The following STPG2 variants were observed in gnomAD, a reference collection of about 807,000 sequenced individuals.
STPG2 encodes sperm tail PG-rich repeat containing 2, also known as sperm-tail PG-rich repeat-containing protein 2.
Under a neutral mutation model 54.2 loss-of-function variants are expected in STPG2, and 56 were observed. That is an observed-to-expected ratio of 1.03 (90% CI 0.83 to 1.29). The LOEUF (loss-of-function observed/expected upper bound fraction) is 1.29, where lower values mean the gene tolerates loss of function less well. Ranked by LOEUF, STPG2 falls within the 50% of genes most tolerant of loss-of-function variation. The pLI, the probability that STPG2 is intolerant of heterozygous loss-of-function variation, is 0.00. For synonymous variants in STPG2, 200 were observed against 181.8 expected, an observed-to-expected ratio of 1.10 and a Z score of -0.81; for missense variants, 596 against 544.9, an observed-to-expected ratio of 1.09 and a Z score of -0.93.
chr4:98,133,113 T>C (rs770073653), intron 2 of STPG2, among the ~76,000 whole-genome samples: 2 of 152,046 alleles, frequency 1.3e-5, no homozygotes, highest in Non-Finnish European at 2.9e-5. Context: ...TTCAGATTAA[T>C]TTTAAACATT....
chr4:97,588,163 A>G (rs1208853814), intron 10 of STPG2, among the ~76,000 whole-genome samples: 1 of 151,780 alleles, frequency 6.6e-6, no homozygotes, highest in Non-Finnish European at 1.5e-5. Context: ...AGATCACTTG[A>G]GGTTAGGAGT....
intron 10 of STPG2, among the ~76,000 whole-genome samples, chr4:97,682,203 A>T (rs1040696481): frequency 6.6e-6 from 1 of 151,776 alleles, no homozygotes; most frequent in African/African-American, 2.4e-5. Context: ...ACCTCAAAAA[A>T]TATGTCATTT....
intron 8 of STPG2, among the ~76,000 whole-genome samples, chr4:97,887,736 A>T (rs1234006213): frequency 6.6e-6 from 1 of 152,236 alleles, no homozygotes; most frequent in Admixed American, 6.5e-5. Context: ...ACCGAAAAGG[A>T]TCCAAGTACT....
rs149819225 is a variant in STPG2, at chr4:97,834,072, G to A, written c.1204+6701C>T. ...ACACATGCACACGTATGTGTATTGC[G>A]GCACTCTTCACAATAGCAAAGACTT... On this transcript the variant is annotated intron_variant, in intron 9 of 10. Transcript: ENST00000295268. 6.7e-3 allele frequency among the ~76,000 whole-genome samples: 1,025 copies of A among 152,106 alleles called. 13 individuals carry two copies. The highest frequency in any genetic ancestry group is 0.023 in the African/African-American group (968 of 41,472).
intron 4 of STPG2, among the ~76,000 whole-genome samples, chr4:97,536,784 C>A (rs1229813345): frequency 6.6e-6 from 1 of 152,128 alleles, no homozygotes; most frequent in Non-Finnish European, 1.5e-5. Context: ...TGCTAATAAT[C>A]TAAAGGGTGC....
At chr4:97,668,661 AAAG>A (rs1722600470) in intron 10 of STPG2, among the ~76,000 whole-genome samples, 1 of 150,744 alleles carries the variant, frequency 6.6e-6, no homozygotes, top group Admixed American at 6.6e-5. Flanking sequence ...AGGAGGAAGG[AAAG>A]AAGGGAGGGA....
chr4:97,939,139 T>A (rs1732877518), intron 8 of STPG2, among the ~76,000 whole-genome samples: 1 of 152,212 alleles, frequency 6.6e-6, no homozygotes, highest in Non-Finnish European at 1.5e-5. Context: ...TTTTATAGTC[T>A]TGACATCTAT....
intron 4 of STPG2, among the ~76,000 whole-genome samples, chr4:97,492,737 G>A (rs1578340867): frequency 1.3e-5 from 2 of 150,724 alleles, no homozygotes; most frequent in Admixed American, 1.3e-4. Flanking sequence ...ATTCTTGCAA[G>A]GTATAGGATA....
At chr4:97,619,452 A>G (rs1218263421) in intron 10 of STPG2, among the ~76,000 whole-genome samples, 1 of 152,024 alleles carries the variant, frequency 6.6e-6, no homozygotes, top group Non-Finnish European at 1.5e-5. Context: ...TTTTTGAAAC[A>G]TTAACTAGAG....
intron 8 of STPG2, among the ~76,000 whole-genome samples, chr4:97,899,709 C>A (rs1186200094): frequency 6.6e-6 from 1 of 152,044 alleles, no homozygotes; most frequent in Admixed American, 6.6e-5. Flanking sequence ...CTGACAAAAA[C>A]ATGCAATGGG....
chr4:97,805,359 C>A (rs1237705746), intron 9 of STPG2, among the ~76,000 whole-genome samples: 5 of 152,074 alleles, frequency 3.3e-5, no homozygotes, highest in African/African-American at 1.2e-4. Context: ...AGGCGCGCAC[C>A]ACCACACCCT....
chr4:97,923,426 C>T (rs1195148687), intron 8 of STPG2, among the ~76,000 whole-genome samples: 1 of 152,212 alleles, frequency 6.6e-6, no homozygotes, highest in Non-Finnish European at 1.5e-5. Flanking sequence ...GCAGGACTGG[C>T]AGGCAGCTCC....
At chr4:97,592,369 T>C (rs948118758) in intron 10 of STPG2, among the ~76,000 whole-genome samples, 2 of 152,218 alleles carry the variant, frequency 1.3e-5, no homozygotes, top group Non-Finnish European at 2.9e-5. Flanking sequence ...CATTTTTTTA[T>C]ACCTAGGCCC....
chr4:97,470,921 T>A (rs1318127316), intron 4 of STPG2, among the ~76,000 whole-genome samples: 1 of 152,136 alleles, frequency 6.6e-6, no homozygotes, highest in Admixed American at 6.6e-5. Flanking sequence ...TGATGATATG[T>A]CAGATTGGGG....
At chr4:97,817,185 T>C (rs910054477) in intron 9 of STPG2, among the ~76,000 whole-genome samples, 3 of 149,952 alleles carry the variant, frequency 2.0e-5, no homozygotes, top group Non-Finnish European at 4.4e-5. Context: ...TTCAGTTATC[T>C]TTTCTGTAAA....
intron 5 of STPG2, among the ~76,000 whole-genome samples, chr4:98,022,493 G>A (rs1736250088): frequency 6.6e-6 from 1 of 151,778 alleles, no homozygotes; most frequent in Admixed American, 6.6e-5. Flanking sequence ...ACAATTATGT[G>A]TCTTGGAGTT....
chr4:97,595,847 G>A (rs1407722115), intron 10 of STPG2, among the ~76,000 whole-genome samples: 2 of 152,084 alleles, frequency 1.3e-5, no homozygotes, highest in East Asian at 1.9e-4. Context: ...ACACTATAAA[G>A]CAACTACACA....
intron 9 of STPG2, among the ~76,000 whole-genome samples, chr4:97,718,265 ATAAAC>A (rs1476166783): frequency 2.0e-5 from 3 of 152,222 alleles, no homozygotes; most frequent in East Asian, 1.9e-4. Context: ...CTTGATTTAA[ATAAAC>A]TAAATTCTTC....
chr4:97,821,970 G>A (rs1429898670), intron 9 of STPG2, among the ~76,000 whole-genome samples: 1 of 152,186 alleles, frequency 6.6e-6, no homozygotes. Flanking sequence ...TTTTAGCCAT[G>A]CTAATATCTC....
Sources: gnomAD v4.1 joint callset for allele counts (sites outside exome capture counted in the v4.1 genomes callset) on GRCh38, gnomAD v4.1.1 for gene constraint, MANE v1.5 for transcripts, NCBI Gene and HGNC (gene_info 2026-07-23, HGNC 2026-07-21) for gene names.